The following DCAF12 variants were observed in gnomAD, a reference collection of about 807,000 sequenced individuals.
DCAF12 encodes the protein DDB1- and CUL4-associated factor 12.
Under a neutral mutation model 52.8 loss-of-function variants are expected in DCAF12, and 28 were observed. That is an observed-to-expected ratio of 0.53 (90% CI 0.39 to 0.73). DCAF12 has a LOEUF of 0.73. Ranked by LOEUF, DCAF12 falls within the 30% of genes least tolerant of loss-of-function variation. The probability of loss-of-function intolerance (pLI) is 0.00; values close to 1 mark genes in which losing one functional copy is unlikely to be tolerated. For synonymous variants in DCAF12, 196 were observed against 215.5 expected (o/e 0.91, Z 0.79); for missense variants, 425 against 552.2 (o/e 0.77, Z 2.31).
Position 34,094,805 on chromosome 9 carries a change from T to C in DCAF12, c.862-1357A>G, listed in dbSNP as rs548131767. ...TTGGCCTCCCAAAGTGCTGGGATTA[T>C]AGGCGTGAGCCACCGCACCCGGCCC... On this transcript the variant is annotated intron_variant, in intron 6 of 8. Transcript: ENST00000361264. Among the ~76,000 whole-genome samples, 370 of 152,166 alleles carry C rather than the reference T, an allele frequency of 2.4e-3. 2 individuals are homozygous for C. The highest frequency in any genetic ancestry group is 3.5e-3 in the South Asian group (17 of 4,814).
In DCAF12 at chr9:34,107,394, G is replaced by A; in HGVS notation, c.505C>T (p.Arg169Ter). The A allele has an allele frequency of 3.7e-6, 6 of 1,614,116 alleles. No individual in the cohort carries two copies. The highest frequency in any genetic ancestry group is 5.1e-6 in the Non-Finnish European group (6 of 1,180,028). ...GDNPNSLAIY[R>*]LPTLDPVCVG... ...CACACAGGATCCAGCGTAGGTAGTCGATAGATGGCAAGACTGTTGGGGTTG... is the reference window on the plus strand; with the variant it reads ...CACACAGGATCCAGCGTAGGTAGTCAATAGATGGCAAGACTGTTGGGGTTG... Residue 169 changes from arginine to a stop codon, truncating the protein, a stop_gained, in exon 3 of 9, where the codon CGA (arginine) becomes TGA (stop). Transcript: ENST00000361264. LOFTEE classifies it high-confidence loss of function.
intron 4 of DCAF12, among the ~76,000 whole-genome samples, chr9:34,098,878 C>T (rs1174898881): frequency 1.3e-5 from 2 of 151,522 alleles, no homozygotes; most frequent in South Asian, 2.1e-4. Context: ...AAGCGATTCC[C>T]GTGCCTCACC....
chr9:34,097,255 GCTT>G, intron 5 of DCAF12, among the ~76,000 whole-genome samples: 1 of 134,744 alleles, frequency 7.4e-6, no homozygotes, highest in South Asian at 2.4e-4. Flanking sequence ...TTCTGACACT[GCTT>G]TTTTTTTTTT....
intron 3 of DCAF12, 70 bp downstream of exon 3, chr9:34,107,289 G>A: frequency 6.9e-7 from 1 of 1,451,454 alleles, no homozygotes; most frequent in Admixed American, 1.7e-5. Context: ...TGAGAGGAGG[G>A]TCCATGTTAA....
intron 2 of DCAF12, among the ~76,000 whole-genome samples, chr9:34,113,470 G>C (rs1354553655): frequency 2.6e-5 from 4 of 151,914 alleles, no homozygotes; most frequent in African/African-American, 7.3e-5. Flanking sequence ...CTCCCAAGTC[G>C]CTGGGATGGC....
chr9:34,105,573 G>C (rs1309292088), intron 4 of DCAF12, among the ~76,000 whole-genome samples: 7 of 152,282 alleles, frequency 4.6e-5, no homozygotes, highest in East Asian at 3.9e-4. Context: ...TTGAGCCCAA[G>C]AGCTCAAGGA....
intron 4 of DCAF12, among the ~76,000 whole-genome samples, chr9:34,099,655 A>G (rs1828795823): frequency 1.3e-5 from 2 of 149,674 alleles, no homozygotes; most frequent in Admixed American, 1.3e-4. Context: ...GTGCAATGGC[A>G]TGATCTCGGC....
intron 8 of DCAF12, among the ~76,000 whole-genome samples, chr9:34,088,720 T>G (rs573347012): frequency 1.3e-4 from 20 of 152,152 alleles, no homozygotes; most frequent in Non-Finnish European, 2.5e-4. Flanking sequence ...GCTGAAGAAT[T>G]GCTATACAAG....
chr9:34,111,393 T>C (rs557258646), intron 2 of DCAF12, among the ~76,000 whole-genome samples: 4 of 152,340 alleles, frequency 2.6e-5, no homozygotes, highest in Non-Finnish European at 5.9e-5. Context: ...GCCTCTCTTG[T>C]AGGCTCCCAA....
At chr9:34,125,457 A>C (rs1006970346) in intron 1 of DCAF12, 180 bp from the exon 2 acceptor site, 1 of 730,162 alleles carries the variant, frequency 1.4e-6, no homozygotes, top group Admixed American at 2.8e-5. Context: ...AACATTAAAA[A>C]GATGTTGCTC....
chr9:34,096,614 G>T, intron 6 of DCAF12, 102 bp downstream of exon 6: 1 of 1,109,168 alleles, frequency 9.0e-7, no homozygotes, highest in Non-Finnish European at 1.3e-6. Context: ...AAAAATAAAT[G>T]AATAGATAAA....
chr9:34,116,461 A>T (rs1829089442), intron 2 of DCAF12, among the ~76,000 whole-genome samples: 1 of 152,062 alleles, frequency 6.6e-6, no homozygotes. Flanking sequence ...ACTTGAGGTC[A>T]GGAGTTCAAG....
chr9:34,126,217 T>C, intron 1 of DCAF12, 137 bp downstream of exon 1: 3 of 1,104,644 alleles, frequency 2.7e-6, no homozygotes, highest in Admixed American at 2.2e-5. Context: ...GTCCTGACCC[T>C]ATAGGCCCTG....
chr9:34,103,853 A>G (rs1828866447), intron 4 of DCAF12, among the ~76,000 whole-genome samples: 1 of 152,178 alleles, frequency 6.6e-6, no homozygotes, highest in African/African-American at 2.4e-5. Context: ...CAACAACAAC[A>G]GTAACAACAA....
intron 2 of DCAF12, among the ~76,000 whole-genome samples, chr9:34,112,984 A>G (rs927816673): frequency 1.3e-5 from 2 of 152,208 alleles, no homozygotes; most frequent in East Asian, 1.9e-4. Flanking sequence ...GCCCACTCAC[A>G]TATTTGTGTT....
At chr9:34,101,308 C>T (rs190700869) in intron 4 of DCAF12, among the ~76,000 whole-genome samples, 5 of 151,958 alleles carry the variant, frequency 3.3e-5, no homozygotes, top group Non-Finnish European at 2.9e-5. Context: ...GGACTCCTGA[C>T]CTCAAACTCC....
At chr9:34,107,305 G>A in intron 3 of DCAF12, 54 bp downstream of exon 3, 12 of 1,538,786 alleles carry the variant, frequency 7.8e-6, no homozygotes, top group Middle Eastern at 2.1e-4. Context: ...GTTAATCACT[G>A]AGACCCGTTT....
At chr9:34,117,302 C>T (rs1829103265) in intron 2 of DCAF12, among the ~76,000 whole-genome samples, 3 of 150,544 alleles carry the variant, frequency 2.0e-5, no homozygotes, top group Admixed American at 2.0e-4. Context: ...AGGTGCCCAC[C>T]ACCACGCCCG....
At chr9:34,122,208 G>A (rs926008576) in intron 2 of DCAF12, among the ~76,000 whole-genome samples, 4 of 152,054 alleles carry the variant, frequency 2.6e-5, no homozygotes, top group Non-Finnish European at 4.4e-5. Context: ...ATCTTGCCCA[G>A]AAAGTACACA....
Sources: gnomAD v4.1 joint callset for allele counts (sites outside exome capture counted in the v4.1 genomes callset) on GRCh38, gnomAD v4.1.1 for gene constraint, MANE v1.5 for transcripts, NCBI Gene and HGNC (gene_info 2026-07-23, HGNC 2026-07-21) for gene names.